Variants in RANBP17 observed in about 807,000 individuals in gnomAD.
RANBP17 encodes RAN binding protein 17, also known as ran-binding protein 17.
A neutral mutation model predicts 141.2 loss-of-function variants in RANBP17; 158 were observed. The observed-to-expected ratio is 1.12, with a 90% CI of 0.98 to 1.28. The LOEUF (loss-of-function observed/expected upper bound fraction) is 1.28. RANBP17 is among the 50% of genes most tolerant of loss of function. The pLI is 0.00. For missense variants in RANBP17, 1,438 were observed against 1,290.7 expected (o/e 1.11, Z -1.75); for synonymous variants, 430 against 450.0 (o/e 0.96, Z 0.56).
intron 14 of RANBP17, among the ~76,000 whole-genome samples, chr5:171,106,064 A>G (rs1754807013): frequency 1.3e-5 from 2 of 152,202 alleles, no homozygotes; most frequent in Admixed American, 6.5e-5. Flanking sequence ...CTGACATACA[A>G]TTTTGAAAAT....
At chr5:170,889,506 A>C (rs894525920) in intron 3 of RANBP17, among the ~76,000 whole-genome samples, 1 of 152,140 alleles carries the variant, frequency 6.6e-6, no homozygotes, top group Non-Finnish European at 1.5e-5. Flanking sequence ...TCAGAGTCCC[A>C]GTCATTTTAC....
chr5:171,024,795 CT>C (rs138588531), intron 14 of RANBP17, among the ~76,000 whole-genome samples: 3,989 of 148,718 alleles, frequency 0.027, 159 homozygotes, highest in African/African-American at 0.091. Flanking sequence ...TGTCTTCTCC[CT>C]TTTTTTTTTC....
chr5:170,932,349 G>A (rs1199945849), intron 12 of RANBP17, among the ~76,000 whole-genome samples: 4 of 152,150 alleles, frequency 2.6e-5, no homozygotes, highest in Non-Finnish European at 4.4e-5. Flanking sequence ...CATGTCATCT[G>A]CAAACAGGGA....
intron 14 of RANBP17, among the ~76,000 whole-genome samples, chr5:171,097,116 C>T (rs1786750757): frequency 6.6e-6 from 1 of 152,032 alleles, no homozygotes; most frequent in African/African-American, 2.4e-5. Context: ...AGAAATTGTT[C>T]CAGGCTATGA....
rs191313780 is a variant in RANBP17 at position 170,922,040 on chromosome 5, C to T, written c.1275-2317C>T. ...GTGTAGATGTCCTTTTTGTTGATGT[C>T]GATGCTATTCCTTTCTGTTTGTTAG... On this transcript the variant is annotated intron_variant, in intron 11 of 27. Transcript: ENST00000523189. Among the ~76,000 whole-genome samples, 726 of 152,234 alleles carry T rather than the reference C, an allele frequency of 4.8e-3. 18 individuals are homozygous for T. Among genetic ancestry groups the T allele is most frequent in the Admixed American group, 0.038 (582 of 15,292 alleles).
Position 170,876,423 on chromosome 5 carries a change from T to G in RANBP17, c.19-1674T>G, listed in dbSNP as rs1410691937. On this transcript the variant is annotated intron_variant, in intron 1 of 27. Transcript: ENST00000523189. ...CTTACCTGGATAAAACAATATAATT[T>G]TTACGTATTCATGAACTATAAAGAT... 2.6e-5 allele frequency among the ~76,000 whole-genome samples: 4 copies of G among 152,186 alleles called. No homozygotes were observed. In the East Asian group the frequency reaches 7.7e-4, roughly 29 times the overall value.
At chr5:171,253,712 T>A (rs1474238485) in intron 24 of RANBP17, among the ~76,000 whole-genome samples, 1 of 152,214 alleles carries the variant, frequency 6.6e-6, no homozygotes, top group Non-Finnish European at 1.5e-5. Flanking sequence ...GTCAGTAAAT[T>A]TGAGCATATT....
chr5:171,035,904 C>G (rs149664344), intron 14 of RANBP17, among the ~76,000 whole-genome samples: 2,379 of 151,638 alleles, frequency 0.016, 37 homozygotes, highest in Admixed American at 0.027. Context: ...TTCTTTCTTT[C>G]TTTCTTTGAG....
rs567467582 is a variant in RANBP17 at position 170,940,639 on chromosome 5, T to C, written c.1469-12958T>C. Among the ~76,000 whole-genome samples the C allele has an allele frequency of 2.6e-5, 4 of 152,262 alleles. No homozygotes were observed. In the East Asian group the frequency reaches 7.7e-4, roughly 29 times the overall value. ...GTCGTGCAGGGAGAAATGGACAGAC[T>C]TGCCATCATAATGGAAGGCTGCAGT... On this transcript the variant is annotated intron_variant, in intron 12 of 27. Coordinates refer to ENST00000523189, the MANE Select transcript of RANBP17 (RefSeq NM_022897.5).
chr5:171,209,613 C>T (rs545701804), intron 20 of RANBP17, among the ~76,000 whole-genome samples: 42 of 152,080 alleles, frequency 2.8e-4, no homozygotes, highest in African/African-American at 8.7e-4. Context: ...AATGTCAGTG[C>T]GTTATAACAG....
At chr5:171,250,301 T>C (rs983409116) in intron 24 of RANBP17, among the ~76,000 whole-genome samples, 5 of 152,048 alleles carry the variant, frequency 3.3e-5, no homozygotes, top group African/African-American at 1.2e-4. Context: ...TTTACCATCA[T>C]GAAAACACAC....
chr5:170,865,328 G>A (rs1262355125), intron 1 of RANBP17, among the ~76,000 whole-genome samples: 1 of 152,152 alleles, frequency 6.6e-6, no homozygotes, highest in Non-Finnish European at 1.5e-5. Flanking sequence ...CTCCCAAAGT[G>A]CTAGGATTAC....
At chr5:171,266,208 C>G (rs1209044591) in intron 25 of RANBP17, among the ~76,000 whole-genome samples, 1 of 152,154 alleles carries the variant, frequency 6.6e-6, no homozygotes, top group Non-Finnish European at 1.5e-5. Flanking sequence ...CTTATGAATA[C>G]TCCGGTATAT....
At chr5:171,038,436 T>C (rs1484761557) in intron 14 of RANBP17, among the ~76,000 whole-genome samples, 1 of 152,140 alleles carries the variant, frequency 6.6e-6, no homozygotes, top group Non-Finnish European at 1.5e-5. Context: ...GCATGCCTTT[T>C]ATTTCATTCT....
chr5:171,225,298 A>G (rs906266266), intron 22 of RANBP17, among the ~76,000 whole-genome samples: 8 of 152,266 alleles, frequency 5.3e-5, no homozygotes, highest in Admixed American at 2.0e-4. Flanking sequence ...AATGAAAAAA[A>G]TGTCCTTCAA....
intron 12 of RANBP17, among the ~76,000 whole-genome samples, chr5:170,943,815 GACT>G (rs1280473190): frequency 6.6e-6 from 1 of 152,044 alleles, no homozygotes; most frequent in Non-Finnish European, 1.5e-5. Context: ...GTAGCGAAAT[GACT>G]ACTACAGTCA....
chr5:171,266,229 C>T (rs1238537419), intron 25 of RANBP17, among the ~76,000 whole-genome samples: 2 of 152,128 alleles, frequency 1.3e-5, no homozygotes, highest in Non-Finnish European at 1.5e-5. Context: ...TGGGAAACTA[C>T]AATTTGCTGG....
In RANBP17 at chr5:170,955,578, GTGTGTA is replaced by G. The variant is rs1561927601; in HGVS notation, c.1574+1878_1574+1883del. ...GTGTATATATATATATGCTCAGTCT[GTGTGTA>G]TATATATATATATATATATATATAT... On this transcript the variant is annotated intron_variant, in intron 13 of 27. Transcript: ENST00000523189. 4.8e-5 allele frequency among the ~76,000 whole-genome samples: 2 copies of G among 41,656 alleles called. 1 individual carries two copies. Among genetic ancestry groups the G allele is most frequent in the African/African-American group, 2.0e-4 (2 of 9,994 alleles). 27.3% of individuals were successfully genotyped at this position (41,656 alleles called of 152,430 possible).
At chr5:171,168,844 TTCTC>T (rs148930265) in intron 14 of RANBP17, among the ~76,000 whole-genome samples, 10 of 149,402 alleles carry the variant, frequency 6.7e-5, no homozygotes, top group Non-Finnish European at 1.0e-4. Flanking sequence ...CTCTCTCTGT[TTCTC>T]TCTCTCTCTC....
Sources: gnomAD v4.1 joint callset for allele counts (sites outside exome capture counted in the v4.1 genomes callset) on GRCh38, gnomAD v4.1.1 for gene constraint, MANE v1.5 for transcripts, NCBI Gene and HGNC (gene_info 2026-07-23, HGNC 2026-07-21) for gene names.